Variants in TEKT5 observed in about 807,000 individuals in gnomAD.
The protein encoded by TEKT5 is tektin-5.
In TEKT5, 52 loss-of-function variants were observed where a neutral mutation model predicts 48.7. The observed-to-expected ratio is 1.07, with a 90% confidence interval of 0.86 to 1.35. The LOEUF is 1.35. Ranked by LOEUF, TEKT5 falls within the 40% of genes most tolerant of loss-of-function variation. The probability of loss-of-function intolerance (pLI) is 0.00; values close to 1 mark genes in which losing one functional copy is unlikely to be tolerated. For synonymous variants in TEKT5, 318 were observed against 267.6 expected (o/e 1.19, Z -1.84); for missense variants, 831 against 641.6 (o/e 1.30, Z -3.19).
intron 5 of TEKT5, 33 bp downstream of exon 5, chr16:10,675,926 G>A: frequency 1.2e-6 from 2 of 1,606,128 alleles, no homozygotes; most frequent in Non-Finnish European, 1.7e-6. Flanking sequence ...GGGCTTGGCA[G>A]AGAAGGCAGG....
intron 5 of TEKT5, among the ~76,000 whole-genome samples, chr16:10,674,264 G>GAGAAGCCA (rs1898601782): frequency 3.9e-5 from 6 of 151,942 alleles, no homozygotes; most frequent in Admixed American, 3.3e-4. Flanking sequence ...TCCACCCAGT[G>GAGAAGCCA]TGGGTCCCAT....
At chr16:10,678,144 G>A (rs1898681337) in intron 4 of TEKT5, among the ~76,000 whole-genome samples, 1 of 152,214 alleles carries the variant, frequency 6.6e-6, no homozygotes, top group Admixed American at 6.5e-5. Flanking sequence ...GGTAACTTCT[G>A]AAGGTCTTGA....
chr16:10,656,632 C>T (rs774851871), intron 5 of TEKT5, among the ~76,000 whole-genome samples: 2 of 152,226 alleles, frequency 1.3e-5, no homozygotes, highest in Non-Finnish European at 2.9e-5. Context: ...TGAATACAAA[C>T]ACCTGAGATA....
chr16:10,685,969 G>A (rs538634757), intron 3 of TEKT5, among the ~76,000 whole-genome samples: 3 of 152,108 alleles, frequency 2.0e-5, no homozygotes, highest in African/African-American at 7.2e-5. Flanking sequence ...CACTCTGCCG[G>A]CTCAAACTAT....
intron 2 of TEKT5, 140 bp from the exon 3 acceptor site, chr16:10,689,463 G>C (rs1043401970): frequency 1.4e-5 from 9 of 650,878 alleles, no homozygotes; most frequent in Non-Finnish European, 1.8e-5. Context: ...GTGGGGCCCC[G>C]CCTCAATCCA....
At chr16:10,628,427 G>A (rs1375584904) in intron 6 of TEKT5, among the ~76,000 whole-genome samples, 1 of 152,144 alleles carries the variant, frequency 6.6e-6, no homozygotes. Context: ...CCGCTCCCGG[G>A]TATATACCCA....
At chr16:10,655,688 G>T (rs772097828) in intron 5 of TEKT5, among the ~76,000 whole-genome samples, 61 of 152,162 alleles carry the variant, frequency 4.0e-4, no homozygotes, top group Non-Finnish European at 7.3e-4. Flanking sequence ...TCTTTTAAAA[G>T]GGGGTGGTTG....
intron 6 of TEKT5, among the ~76,000 whole-genome samples, chr16:10,633,244 C>CCTGGTGG (rs1897865374): frequency 6.6e-6 from 1 of 152,104 alleles, no homozygotes; most frequent in Non-Finnish European, 1.5e-5. Flanking sequence ...GAGTGTAATC[C>CCTGGTGG]CAGCTACTCG....
At chr16:10,661,244 G>A (rs1210846939) in intron 5 of TEKT5, among the ~76,000 whole-genome samples, 1 of 152,116 alleles carries the variant, frequency 6.6e-6, no homozygotes, top group East Asian at 1.9e-4. Flanking sequence ...ACTATTCCAG[G>A]GGAAATCACA....
At position 10,694,392 on chromosome 16, in the gene TEKT5, C is replaced by G. The variant is rs1462247760; in HGVS notation, c.482G>C (p.Arg161Thr). 6.2e-7 allele frequency: 1 copy of G among 1,614,138 alleles called. No homozygotes were observed. The highest frequency in any genetic ancestry group is 8.5e-7 in the Non-Finnish European group (1 of 1,180,032). Reference sequence around the variant, plus strand: ...CAAGTTCTGGTTCTCAGTCAGAAGCCTGTCCAGCTCATAGCTCAGCTCTGA... The same window carrying G: ...CAAGTTCTGGTTCTCAGTCAGAAGCGTGTCCAGCTCATAGCTCAGCTCTGA... ...WKSELSYELD[R>T]LLTENQNLET... is the part of the protein sequence containing the mutation. The change falls in exon 1 of 7, where the codon AGG becomes ACG. Residue 161 changes from arginine to threonine, a missense_variant. Arg to Thr is a moderately conservative substitution (Grantham distance 71). Coordinates refer to ENST00000283025, the MANE Select transcript of TEKT5 (RefSeq NM_144674.2).
At chr16:10,665,333 T>C (rs1022164416) in intron 5 of TEKT5, among the ~76,000 whole-genome samples, 1 of 152,240 alleles carries the variant, frequency 6.6e-6, no homozygotes, top group African/African-American at 2.4e-5. Context: ...ATCCCAGTGA[T>C]TGCCCTGCCC....
intron 5 of TEKT5, among the ~76,000 whole-genome samples, chr16:10,646,887 C>T (rs1898078538): frequency 6.6e-6 from 1 of 152,180 alleles, no homozygotes; most frequent in Non-Finnish European, 1.5e-5. Context: ...ATGTGAGTGG[C>T]ATATAAACAC....
chr16:10,649,688 G>A (rs1898122924), intron 5 of TEKT5, among the ~76,000 whole-genome samples: 1 of 152,120 alleles, frequency 6.6e-6, no homozygotes, highest in African/African-American at 2.4e-5. Flanking sequence ...CTCCCACACT[G>A]GCCTCCTAAA....
At chr16:10,661,297 T>C (rs1011822335) in intron 5 of TEKT5, among the ~76,000 whole-genome samples, 1 of 152,168 alleles carries the variant, frequency 6.6e-6, no homozygotes, top group African/African-American at 2.4e-5. Context: ...GCTGCTCCTC[T>C]GGGGTTTCTG....
chr16:10,653,826 T>G (rs146792496), intron 5 of TEKT5, among the ~76,000 whole-genome samples: 1 of 151,446 alleles, frequency 6.6e-6, no homozygotes, highest in African/African-American at 2.4e-5. Flanking sequence ...GGCAGGAGAG[T>G]CACTTGAACC....
chr16:10,688,295 G>C (rs1177368055), intron 3 of TEKT5, among the ~76,000 whole-genome samples: 2 of 152,188 alleles, frequency 1.3e-5, no homozygotes, highest in East Asian at 3.8e-4. Flanking sequence ...TTGCTCTATG[G>C]GTAGCTTGCC....
intron 5 of TEKT5, among the ~76,000 whole-genome samples, chr16:10,652,131 G>T (rs975335697): frequency 6.6e-6 from 1 of 152,150 alleles, no homozygotes; most frequent in African/African-American, 2.4e-5. Context: ...GTGAGGTTTA[G>T]TGAGACAATC....
At chr16:10,638,405 T>C (rs1172560052) in intron 5 of TEKT5, among the ~76,000 whole-genome samples, 1 of 150,882 alleles carries the variant, frequency 6.6e-6, no homozygotes, top group East Asian at 1.9e-4. Context: ...ACAAGGCCCT[T>C]TGAGGACAGG....
At chr16:10,654,542 A>T (rs546347825) in intron 5 of TEKT5, among the ~76,000 whole-genome samples, 1 of 152,240 alleles carries the variant, frequency 6.6e-6, no homozygotes, top group East Asian at 1.9e-4. Context: ...CACCCAACCC[A>T]CTGAGGGTCC....
Sources: allele counts gnomAD v4.1 joint callset (sites outside exome capture counted in the v4.1 genomes callset), GRCh38; gene constraint gnomAD v4.1.1; transcripts MANE v1.5; gene names NCBI Gene and HGNC (gene_info 2026-07-23, HGNC 2026-07-21).